TAFA2: variants seen among roughly 807,000 people sequenced by gnomAD.
TAFA2 encodes chemokine-like protein TAFA-2.
A neutral mutation model predicts 18.8 loss-of-function variants in TAFA2; 7 were observed. That is an observed-to-expected ratio of 0.37 (90% confidence interval 0.21 to 0.70). The LOEUF is 0.70. Ranked by LOEUF, TAFA2 falls within the 30% of genes least tolerant of loss-of-function variation. The probability of loss-of-function intolerance (pLI) is 0.53; values close to 1 mark genes in which losing one functional copy is unlikely to be tolerated. For synonymous variants in TAFA2, 60 were observed against 54.2 expected (o/e 1.11, Z -0.47); for missense variants, 122 against 158.1 (o/e 0.77, Z 1.23).
At chr12:62,025,682 A>T (rs561286296) in intron 1 of TAFA2, among the ~76,000 whole-genome samples, 38 of 152,202 alleles carry the variant, frequency 2.5e-4, no homozygotes, top group African/African-American at 8.9e-4. Flanking sequence ...CTCTGTTTTA[A>T]CTTGCTTTGT....
chr12:61,802,725 G>A (rs1316497525), intron 2 of TAFA2, among the ~76,000 whole-genome samples: 1 of 152,138 alleles, frequency 6.6e-6, no homozygotes, highest in Admixed American at 6.5e-5. Flanking sequence ...TTTTCAAATA[G>A]CTAGAAGAGA....
intron 2 of TAFA2, among the ~76,000 whole-genome samples, chr12:61,848,732 A>C (rs1243883342): frequency 6.6e-6 from 1 of 151,666 alleles, no homozygotes; most frequent in South Asian, 2.1e-4. Flanking sequence ...AAAAAAAAAA[A>C]TAAGTTTCAA....
chr12:61,958,137 C>T (rs534114841), intron 1 of TAFA2, among the ~76,000 whole-genome samples: 1 of 152,052 alleles, frequency 6.6e-6, no homozygotes, highest in Non-Finnish European at 1.5e-5. Context: ...ACAGAATTTA[C>T]TTTTCATTGT....
At chr12:61,931,249 CT>C (rs757600169) in intron 1 of TAFA2, among the ~76,000 whole-genome samples, 19 of 152,268 alleles carry the variant, frequency 1.2e-4, no homozygotes, top group Non-Finnish European at 1.9e-4. Context: ...TAATTAATCT[CT>C]GCTATGAGCA....
At chr12:61,924,986 A>G (rs1003615221) in intron 1 of TAFA2, among the ~76,000 whole-genome samples, 21 of 152,216 alleles carry the variant, frequency 1.4e-4, no homozygotes, top group Non-Finnish European at 8.8e-5. Context: ...AAAAAAGACA[A>G]AGAAGGGAAT....
At chr12:62,148,638 C>A (rs2062304669) in intron 1 of TAFA2, among the ~76,000 whole-genome samples, 1 of 152,156 alleles carries the variant, frequency 6.6e-6, no homozygotes, top group Admixed American at 6.5e-5. Flanking sequence ...GCCCAAACCC[C>A]AGCATCACTC....
chr12:61,837,723 T>A (rs1872992711), intron 2 of TAFA2, among the ~76,000 whole-genome samples: 1 of 151,950 alleles, frequency 6.6e-6, no homozygotes, highest in Non-Finnish European at 1.5e-5. Context: ...GCTGCGTTCC[T>A]GAAACTTACA....
rs140637619 is a variant in TAFA2 at position 62,066,716 on chromosome 12, T to C, written c.-2+124543A>G. 4.9e-4 allele frequency among the ~76,000 whole-genome samples: 75 copies of C among 152,212 alleles called. 1 individual carries two copies. In the East Asian group the frequency reaches 0.012, roughly 24 times the overall value. On this transcript the variant is annotated intron_variant, in intron 1 of 4. Coordinates refer to ENST00000416284, the MANE Select transcript of TAFA2 (RefSeq NM_178539.5). ...CACATTTTCTTTATCCATTCATCTA[T>C]TGATGAACACAGGTTGCTTTCAAAT...
intron 1 of TAFA2, among the ~76,000 whole-genome samples, chr12:61,901,551 C>A (rs1356066949): frequency 6.6e-6 from 1 of 151,616 alleles, no homozygotes; most frequent in Non-Finnish European, 1.5e-5. Context: ...TATGGTACTT[C>A]TATAACAAAA....
intron 1 of TAFA2, among the ~76,000 whole-genome samples, chr12:62,065,701 C>CTG (rs140275505): frequency 0.019 from 2,828 of 150,344 alleles, 76 homozygotes; most frequent in African/African-American, 0.063. Flanking sequence ...GATAAAAATT[C>CTG]TGTGTGTGTG....
chr12:61,738,329 A>ACACC (rs1555198029), intron 4 of TAFA2, among the ~76,000 whole-genome samples: 7,291 of 146,748 alleles, frequency 0.05, 249 homozygotes, highest in Non-Finnish European at 0.077. Context: ...ACACACACAC[A>ACACC]AACCTAGCTC....
At chr12:62,005,241 A>C (rs1050469641) in intron 1 of TAFA2, among the ~76,000 whole-genome samples, 2 of 152,250 alleles carry the variant, frequency 1.3e-5, no homozygotes, top group Admixed American at 6.5e-5. Context: ...GCTTGACTGT[A>C]GTAATCATTT....
chr12:61,783,560 T>G (rs78852331), intron 2 of TAFA2, among the ~76,000 whole-genome samples: 3,986 of 151,704 alleles, frequency 0.026, 168 homozygotes, highest in African/African-American at 0.091. Flanking sequence ...ACTACAGATA[T>G]GCCAGATAGG....
At chr12:61,829,509 A>G (rs2121086492) in intron 2 of TAFA2, among the ~76,000 whole-genome samples, 1 of 151,886 alleles carries the variant, frequency 6.6e-6, no homozygotes, top group South Asian at 2.1e-4. Context: ...ATGCAAATTT[A>G]CTTTTCTAAG....
intron 1 of TAFA2, among the ~76,000 whole-genome samples, chr12:62,048,917 C>A (rs1012046187): frequency 3.3e-5 from 5 of 152,148 alleles, no homozygotes; most frequent in Non-Finnish European, 5.9e-5. Context: ...AAAGATTAAA[C>A]AATTTAGACA....
intron 1 of TAFA2, among the ~76,000 whole-genome samples, chr12:62,246,827 T>C (rs563200993): frequency 6.6e-6 from 1 of 152,302 alleles, no homozygotes; most frequent in Admixed American, 6.5e-5. Context: ...TATTCTTTCA[T>C]CTTGCATTCC....
At chr12:62,006,718 C>T (rs1479578497) in intron 1 of TAFA2, among the ~76,000 whole-genome samples, 1 of 152,132 alleles carries the variant, frequency 6.6e-6, no homozygotes, top group Non-Finnish European at 1.5e-5. Context: ...CAAGCACTGA[C>T]ATTGTCATTT....
intron 1 of TAFA2, among the ~76,000 whole-genome samples, chr12:61,919,645 A>C (rs981799482): frequency 6.6e-6 from 1 of 151,706 alleles, no homozygotes; most frequent in African/African-American, 2.4e-5. Flanking sequence ...ATTTTATTGT[A>C]CTGTATATCT....
chr12:62,119,885 C>A (rs146692775), intron 1 of TAFA2, among the ~76,000 whole-genome samples: 128 of 151,986 alleles, frequency 8.4e-4, no homozygotes, highest in African/African-American at 3.0e-3. Context: ...ACCAGCCTGA[C>A]CAACATGGAG....
Sources: gnomAD v4.1 joint callset for allele counts (sites outside exome capture counted in the v4.1 genomes callset) on GRCh38, gnomAD v4.1.1 for gene constraint, MANE v1.5 for transcripts, NCBI Gene and HGNC (gene_info 2026-07-23, HGNC 2026-07-21) for gene names.